The following PHF24 variants were observed in gnomAD, a reference collection of about 807,000 sequenced individuals.
PHF24 encodes Galpha inhibitory interacting protein.
Under a neutral mutation model 42.6 loss-of-function variants are expected in PHF24, and 25 were observed. That is an observed-to-expected ratio of 0.59 (90% confidence interval 0.43 to 0.82). PHF24 has a LOEUF of 0.82. Ranked by LOEUF, PHF24 falls within the 40% of genes least tolerant of loss-of-function variation. The probability of loss-of-function intolerance (pLI) is 0.00; values close to 1 mark genes in which losing one functional copy is unlikely to be tolerated. For synonymous variants in PHF24, 185 were observed against 204.8 expected (o/e 0.90, Z 0.83); for missense variants, 470 against 538.1 (o/e 0.87, Z 1.25).
At chr9:34,783,146 C>T in the PHF24 span, among the ~76,000 whole-genome samples, 1 of 152,156 alleles carries the variant, frequency 6.6e-6, no homozygotes, top group Non-Finnish European at 1.5e-5. Flanking sequence ...TCCTTGCTGC[C>T]CCATCCCAGT....
At chr9:34,947,490 C>T in the PHF24 span, among the ~76,000 whole-genome samples, 8 of 152,260 alleles carry the variant, frequency 5.3e-5, no homozygotes, top group African/African-American at 1.4e-4. Flanking sequence ...ATGACTGTTA[C>T]TGGTTTATGT....
chr9:34,693,293 T>A, the PHF24 span, among the ~76,000 whole-genome samples: 1 of 152,206 alleles, frequency 6.6e-6, no homozygotes, highest in Non-Finnish European at 1.5e-5. Flanking sequence ...TAGGGTCACC[T>A]GCTTTCTGGC....
At chr9:34,731,666 G>A in the PHF24 span, among the ~76,000 whole-genome samples, 2 of 152,156 alleles carry the variant, frequency 1.3e-5, no homozygotes, top group African/African-American at 4.8e-5. Context: ...ACTCCATTGT[G>A]TATATGTACC....
chr9:34,775,377 A>T, the PHF24 span, among the ~76,000 whole-genome samples: 2 of 152,196 alleles, frequency 1.3e-5, no homozygotes, highest in Non-Finnish European at 2.9e-5. Context: ...GTTAGCAGGG[A>T]CTGGAAAAAG....
chr9:34,957,186 C>A (rs1460971636), upstream of PHF24, among the ~76,000 whole-genome samples: 4 of 152,118 alleles, frequency 2.6e-5, no homozygotes, highest in Non-Finnish European at 5.9e-5. Context: ...TTGGTAAATT[C>A]CATGTTAAGG....
the PHF24 span, among the ~76,000 whole-genome samples, chr9:34,801,164 AG>A: frequency 6.6e-6 from 1 of 152,216 alleles, no homozygotes; most frequent in Non-Finnish European, 1.5e-5. Context: ...AGGAAACAAC[AG>A]ATGCTGGCGA....
At chr9:34,791,860 G>C in the PHF24 span, among the ~76,000 whole-genome samples, 1,132 of 152,282 alleles carry the variant, frequency 7.4e-3, 20 homozygotes, top group African/African-American at 0.026. Context: ...TGGAATAGTA[G>C]GAATCAATAT....
At chr9:34,754,872 T>C in the PHF24 span, among the ~76,000 whole-genome samples, 1 of 152,134 alleles carries the variant, frequency 6.6e-6, no homozygotes, top group African/African-American at 2.4e-5. Context: ...TAATCACCCA[T>C]AAAAAACGAT....
the PHF24 span, among the ~76,000 whole-genome samples, chr9:34,944,235 A>G: frequency 2.0e-5 from 3 of 152,322 alleles, no homozygotes; most frequent in East Asian, 3.9e-4. Context: ...TGATAAAAAG[A>G]AAAAAATGTT....
chr9:34,694,716 G>A, the PHF24 span, among the ~76,000 whole-genome samples: 2 of 152,012 alleles, frequency 1.3e-5, no homozygotes, highest in Non-Finnish European at 1.5e-5. Flanking sequence ...TGATCCACCC[G>A]CCTCGGCCTC....
chr9:34,778,112 G>T, the PHF24 span, among the ~76,000 whole-genome samples: 1 of 152,186 alleles, frequency 6.6e-6, no homozygotes, highest in South Asian at 2.1e-4. Flanking sequence ...TCTCTTGGAT[G>T]ATCTATTCAA....
intron 2 of PHF24, 69 bp downstream of exon 2, chr9:34,971,745 G>A (rs893410582): frequency 1.3e-5 from 19 of 1,483,724 alleles, no homozygotes; most frequent in Non-Finnish European, 1.3e-5. Context: ...GAAGATGGAT[G>A]TGGGTAAGGT....
At chr9:34,862,274 AGCCAGTAGACTTGAGGG>A in the PHF24 span, among the ~76,000 whole-genome samples, 2 of 152,198 alleles carry the variant, frequency 1.3e-5, no homozygotes, top group Non-Finnish European at 2.9e-5. Flanking sequence ...CTAGGCTCAG[AGCCAGTAGACTTGAGGG>A]GCACGTGACC....
chr9:34,868,985 A>G, the PHF24 span, among the ~76,000 whole-genome samples: 9 of 152,134 alleles, frequency 5.9e-5, no homozygotes, highest in African/African-American at 1.9e-4. Context: ...GCTCCCACTT[A>G]TAAGTGAGAA....
chr9:34,919,546 ATTTC>A, the PHF24 span, among the ~76,000 whole-genome samples: 2 of 151,910 alleles, frequency 1.3e-5, no homozygotes, highest in South Asian at 4.2e-4. Flanking sequence ...AGCATTTATC[ATTTC>A]TTTGTGTTCC....
the PHF24 span, chr9:34,724,998 G>T: frequency 6.4e-7 from 1 of 1,552,072 alleles, no homozygotes. Context: ...AAAGCCTGTT[G>T]CTGCTGATCA....
chr9:34,711,542 CTT>C, the PHF24 span, among the ~76,000 whole-genome samples: 1,925 of 130,672 alleles, frequency 0.015, 19 homozygotes, highest in Admixed American at 0.031. Flanking sequence ...AATGTTGTTA[CTT>C]TTTTTTTTTT....
intron 3 of PHF24, among the ~76,000 whole-genome samples, chr9:34,973,415 G>A (rs1012133311): frequency 1.5e-4 from 23 of 152,116 alleles, no homozygotes; most frequent in Admixed American, 1.4e-3. Flanking sequence ...TCAGAACTTC[G>A]CAAATTATAT....
At chr9:34,882,186 T>C in the PHF24 span, among the ~76,000 whole-genome samples, 1 of 152,158 alleles carries the variant, frequency 6.6e-6, no homozygotes, top group South Asian at 2.1e-4. Context: ...AAACTCTCAA[T>C]AAATTAGGTA....
Sources: gnomAD v4.1 joint callset for allele counts (sites outside exome capture counted in the v4.1 genomes callset) on GRCh38, gnomAD v4.1.1 for gene constraint, MANE v1.5 for transcripts, NCBI Gene and HGNC (gene_info 2026-07-23, HGNC 2026-07-21) for gene names.